AUTS2: variants seen among roughly 807,000 people sequenced by gnomAD.
The protein encoded by AUTS2 is activator of transcription and developmental regulator AUTS2, also known as autism susceptibility gene 2 protein.
A neutral mutation model predicts 112.4 loss-of-function variants in AUTS2; 17 were observed. The ratio of observed to expected loss-of-function variants is 0.15; its 90% CI spans 0.10 to 0.23. The LOEUF is 0.23. Ranked by LOEUF, AUTS2 falls within the 10% of genes least tolerant of loss-of-function variation. AUTS2 has a pLI of 1.00. For missense variants in AUTS2, 1,510 were observed against 1,701.6 expected, an observed-to-expected ratio of 0.89 and a Z score of 1.98; for synonymous variants, 751 against 702.7, an observed-to-expected ratio of 1.07 and a Z score of -1.09.
intron 1 of AUTS2, among the ~76,000 whole-genome samples, chr7:69,632,192 T>C (rs1246899775): frequency 6.6e-6 from 1 of 152,220 alleles, no homozygotes; most frequent in Admixed American, 6.5e-5. Flanking sequence ...GATCACCTAT[T>C]TTGAACTTTT....
intron 2 of AUTS2, among the ~76,000 whole-genome samples, chr7:70,078,224 G>GT (rs11443020): frequency 0.081 from 12,171 of 151,118 alleles, 626 homozygotes; most frequent in African/African-American, 0.13. Context: ...TTTCCATACT[G>GT]TTTTTTTTTA....
At chr7:69,662,117 C>G (rs1475308799) in intron 1 of AUTS2, among the ~76,000 whole-genome samples, 2 of 151,986 alleles carry the variant, frequency 1.3e-5, no homozygotes, top group African/African-American at 4.8e-5. Flanking sequence ...TTCCCCCTCC[C>G]TTTCTCCCAC....
chr7:70,448,614 T>G (rs2131029834), intron 5 of AUTS2, among the ~76,000 whole-genome samples: 1 of 152,326 alleles, frequency 6.6e-6, no homozygotes, highest in East Asian at 1.9e-4. Context: ...TAATTATTTC[T>G]CTCAGATGGT....
At chr7:70,618,542 G>A (rs564947381) in intron 5 of AUTS2, among the ~76,000 whole-genome samples, 24 of 152,152 alleles carry the variant, frequency 1.6e-4, no homozygotes, top group South Asian at 1.0e-3. Flanking sequence ...CACAGAGCAT[G>A]CTGTGCCCTA....
At chr7:70,234,199 A>T (rs1462747678) in intron 4 of AUTS2, among the ~76,000 whole-genome samples, 1 of 152,198 alleles carries the variant, frequency 6.6e-6, no homozygotes, top group Admixed American at 6.5e-5. Context: ...ACTAACATAT[A>T]TTAATATATT....
chr7:70,387,126 A>T (rs1363024087), intron 4 of AUTS2, among the ~76,000 whole-genome samples: 1 of 152,046 alleles, frequency 6.6e-6, no homozygotes, highest in African/African-American at 2.4e-5. Context: ...TCAAGCTACC[A>T]TTCTCTTTTT....
intron 1 of AUTS2, among the ~76,000 whole-genome samples, chr7:69,711,947 A>C (rs185978514): frequency 6.6e-6 from 1 of 152,234 alleles, no homozygotes; most frequent in African/African-American, 2.4e-5. Context: ...TTTTAAAAAT[A>C]AACAACCAAG....
chr7:69,796,502 G>A (rs935237780), intron 1 of AUTS2, among the ~76,000 whole-genome samples: 1 of 148,676 alleles, frequency 6.7e-6, no homozygotes, highest in Non-Finnish European at 1.5e-5. Flanking sequence ...CAGCCTAGGC[G>A]ACAGAGTGAG....
chr7:70,084,092 A>C (rs947282908), intron 2 of AUTS2, among the ~76,000 whole-genome samples: 2 of 152,142 alleles, frequency 1.3e-5, no homozygotes, highest in African/African-American at 4.8e-5. Flanking sequence ...AAAACAAAAA[A>C]CAAAAACAAA....
intron 1 of AUTS2, among the ~76,000 whole-genome samples, chr7:69,641,879 G>C (rs1280488409): frequency 3.3e-5 from 5 of 152,202 alleles, no homozygotes; most frequent in Admixed American, 3.3e-4. Context: ...GAAGCCCAAG[G>C]TCAGGATATT....
At chr7:70,508,993 G>A (rs1799079772) in intron 5 of AUTS2, among the ~76,000 whole-genome samples, 1 of 151,992 alleles carries the variant, frequency 6.6e-6, no homozygotes, top group African/African-American at 2.4e-5. Flanking sequence ...CCTCCCTATG[G>A]TTGCATACTT....
chr7:70,729,067 G>A, intron 6 of AUTS2: 1 of 432,528 alleles, frequency 2.3e-6, no homozygotes, highest in Non-Finnish European at 4.7e-6. Context: ...CTTTGTGAAA[G>A]CTAGAGCTGC....
In AUTS2 at chr7:70,792,855, A is replaced by T. The variant is rs1265423069; in HGVS notation, c.*1859A>T. The T allele has an allele frequency of 6.6e-6, 1 of 152,630 alleles. No individual in the cohort carries two copies. The highest frequency in any genetic ancestry group is 2.4e-5 in the African/African-American group (1 of 41,444). 9.5% of individuals were successfully genotyped at this position (152,630 alleles called of 1,614,324 possible). ...GTAATGTAAACTGTGCCATGTTATT[A>T]AAAAATGTGAACTAAGCTTCCAGCT... On this transcript the variant is annotated 3_prime_UTR_variant, in exon 19 of 19. Transcript: ENST00000342771.
At chr7:69,841,233 A>G (rs2129528625) in intron 1 of AUTS2, among the ~76,000 whole-genome samples, 1 of 152,326 alleles carries the variant, frequency 6.6e-6, no homozygotes, top group South Asian at 2.1e-4. Flanking sequence ...AAAGAAGTTT[A>G]ATTGGCTCAT....
intron 2 of AUTS2, among the ~76,000 whole-genome samples, chr7:70,005,811 T>C (rs912293101): frequency 1.3e-5 from 2 of 152,090 alleles, no homozygotes; most frequent in African/African-American, 4.8e-5. Flanking sequence ...TTTTAGTTAG[T>C]GTAATTTTAG....
At chr7:70,586,333 A>G (rs1459955893) in intron 5 of AUTS2, among the ~76,000 whole-genome samples, 1 of 152,186 alleles carries the variant, frequency 6.6e-6, no homozygotes, top group African/African-American at 2.4e-5. Context: ...TGGTGGCTCT[A>G]CAGGTTTTCC....
chr7:69,910,697 C>T (rs1020602103), intron 2 of AUTS2, among the ~76,000 whole-genome samples: 2 of 152,126 alleles, frequency 1.3e-5, no homozygotes, highest in African/African-American at 2.4e-5. Context: ...GGTGTGATCT[C>T]AGCTCACTGC....
At chr7:70,723,569 G>A (rs929699087) in intron 6 of AUTS2, among the ~76,000 whole-genome samples, 2 of 151,826 alleles carry the variant, frequency 1.3e-5, no homozygotes, top group African/African-American at 2.4e-5. Context: ...GGAAGCGCCC[G>A]CTGTACAGAT....
chr7:70,177,343 A>T (rs1809043120), intron 4 of AUTS2, among the ~76,000 whole-genome samples: 1 of 151,920 alleles, frequency 6.6e-6, no homozygotes, highest in South Asian at 2.1e-4. Context: ...GTGAGTCGCC[A>T]TATAGCTAGT....
Sources: allele counts gnomAD v4.1 joint callset (sites outside exome capture counted in the v4.1 genomes callset), GRCh38; gene constraint gnomAD v4.1.1; transcripts MANE v1.5; gene names NCBI Gene and HGNC (gene_info 2026-07-23, HGNC 2026-07-21).